Variants in CCDC28B observed in about 807,000 individuals in gnomAD.
CCDC28B encodes coiled-coil domain-containing protein 28B.
Under a neutral mutation model 18.7 loss-of-function variants are expected in CCDC28B, and 17 were observed. The ratio of observed to expected loss-of-function variants is 0.91; its 90% CI spans 0.62 to 1.36. The LOEUF is 1.36. Among genes scored for constraint, CCDC28B ranks in the 40% most tolerant of loss-of-function variants. The pLI is 0.00. For missense variants in CCDC28B, 213 were observed against 251.7 expected (o/e 0.85, Z 1.04); for synonymous variants, 116 against 105.1 (o/e 1.10, Z -0.64).
intron 2 of CCDC28B, 188 bp downstream of exon 2, chr1:32,202,287 G>T: frequency 1.3e-6 from 1 of 760,012 alleles, no homozygotes; most frequent in Non-Finnish European, 2.3e-6. Context: ...AAAAGGCCAG[G>T]TGGGTCACTG....
At chr1:32,202,451 G>A (rs546995253) in intron 2 of CCDC28B, 52 of 406,478 alleles carry the variant, frequency 1.3e-4, no homozygotes, top group South Asian at 9.6e-4. Context: ...GGGGGCCCTG[G>A]AGTATCAGGG....
chr1:32,201,626 T>A, intron 1 of CCDC28B: 1 of 246,972 alleles, frequency 4.0e-6, no homozygotes, highest in Non-Finnish European at 7.7e-6. Context: ...CCAGCCACCG[T>A]GACAGGAAGC....
upstream of CCDC28B, among the ~76,000 whole-genome samples, chr1:32,200,123 G>C (rs1643116065): frequency 6.6e-6 from 1 of 152,136 alleles, no homozygotes; most frequent in Non-Finnish European, 1.5e-5. Flanking sequence ...GTAGAGAGAG[G>C]GGTTTTGCCC....
intron 2 of CCDC28B, chr1:32,202,361 G>A: frequency 1.5e-6 from 1 of 649,110 alleles, no homozygotes; most frequent in Non-Finnish European, 2.8e-6. Context: ...GAAAGTGAAT[G>A]TTCCACGCTG....
chr1:32,205,269 C>T lies in CCDC28B; in HGVS notation c.*21C>T. On this transcript the variant is annotated 3_prime_UTR_variant, in exon 6 of 6. Coordinates refer to ENST00000373602, the MANE Select transcript of CCDC28B (RefSeq NM_024296.5). The surrounding 1 kb of genome is among the most constrained non-coding windows in gnomAD (Gnocchi z 5.6). ...CGTAGGCGTCCCACGCAGGCCCACACTGCCCCTCTCATTCTCTTCAAACTG... is the reference window on the plus strand; with the variant it reads ...CGTAGGCGTCCCACGCAGGCCCACATTGCCCCTCTCATTCTCTTCAAACTG... 6.2e-7 allele frequency: 1 copy of T among 1,600,280 alleles called. No homozygotes were observed. The highest frequency in any genetic ancestry group is 8.5e-7 in the Non-Finnish European group (1 of 1,171,464).
intron 1 of CCDC28B, 114 bp from the exon 2 acceptor site, chr1:32,201,799 T>C (rs376743266): frequency 2.4e-6 from 2 of 830,384 alleles, no homozygotes; most frequent in Non-Finnish European, 3.9e-6. Flanking sequence ...ACCGTATAGA[T>C]GAGGTGACAA....
chr1:32,198,162 C>T (rs754525966), upstream of CCDC28B: 7 of 152,410 alleles, frequency 4.6e-5, no homozygotes, highest in Middle Eastern at 3.4e-3. Flanking sequence ...TGGCCCAGCC[C>T]GGCCACTCAG....
upstream of CCDC28B, among the ~76,000 whole-genome samples, chr1:32,198,891 T>C (rs1301603682): frequency 6.6e-6 from 1 of 152,196 alleles, no homozygotes; most frequent in Non-Finnish European, 1.5e-5. Context: ...GCAAAAGGCA[T>C]GGAGCCAGGC....
At chr1:32,200,739 G>A (rs1643129298) in intron 1 of CCDC28B, 30 bp downstream of exon 1, 1 of 152,254 alleles carries the variant, frequency 6.6e-6, no homozygotes, top group Non-Finnish European at 1.5e-5. Context: ...AGTGAGGGCG[G>A]GGGCGGAATG....
chr1:32,197,326 G>A (rs1204918249), upstream of CCDC28B: 1 of 152,366 alleles, frequency 6.6e-6, no homozygotes, highest in Admixed American at 6.5e-5. The surrounding 1 kb of genome is among the most constrained non-coding windows in gnomAD (Gnocchi z 4.6). Context: ...TGGAGCTGCT[G>A]GATCCCAGTG....
chr1:32,202,759 A>C (rs1643173398), intron 2 of CCDC28B: 1 of 157,280 alleles, frequency 6.4e-6, no homozygotes, highest in Non-Finnish European at 1.4e-5. Context: ...AGAGCAGTGG[A>C]AATTTTAAGA....
chr1:32,196,935 C>A (rs1643038575), upstream of CCDC28B: 1 of 152,256 alleles, frequency 6.6e-6, no homozygotes, highest in Non-Finnish European at 1.5e-5. Context: ...TCAGAGTTGC[C>A]TGCTATTCTC....
intron 1 of CCDC28B, 74 bp from the exon 2 acceptor site, chr1:32,201,839 G>A: frequency 7.6e-7 from 1 of 1,307,450 alleles, no homozygotes; most frequent in South Asian, 1.4e-5. Context: ...CTTCCTTGGT[G>A]CAGCTCTCAG....
intron 2 of CCDC28B, chr1:32,202,341 A>C (rs769884873): frequency 1.5e-6 from 1 of 675,000 alleles, no homozygotes; most frequent in South Asian, 1.5e-5. Flanking sequence ...GGGAGTGAGC[A>C]ACTCTGCAAG....
chr1:32,202,431 C>T (rs1313907131), intron 2 of CCDC28B: 6 of 450,982 alleles, frequency 1.3e-5, no homozygotes, highest in African/African-American at 1.2e-4. Context: ...TCAGGAACCA[C>T]AGGTGGTTTG....
chr1:32,197,695 A>C (rs1394152237), upstream of CCDC28B: 1 of 152,266 alleles, frequency 6.6e-6, no homozygotes, highest in Non-Finnish European at 1.5e-5. The surrounding 1 kb of genome is among the most constrained non-coding windows in gnomAD (Gnocchi z 4.6). Context: ...CTTTTCCTCC[A>C]GGGGACCACA....
intron 1 of CCDC28B, chr1:32,201,579 T>C: frequency 5.0e-6 from 1 of 201,884 alleles, no homozygotes; most frequent in East Asian, 1.2e-4. Flanking sequence ...CACCTCCGTC[T>C]TGTCTCCCAC....
At chr1:32,196,214 G>A (rs951182882), upstream of CCDC28B, 1 of 153,570 alleles carries the variant, frequency 6.5e-6, no homozygotes, top group Non-Finnish European at 1.4e-5. Context: ...TTTGCCACAA[G>A]CTTACCTGTG....
rs145792550 is a variant in CCDC28B, at chr1:32,203,925, G to A, written c.211G>A (p.Gly71Ser). Residue 71 changes from glycine (G) to serine (S), a missense_variant, in exon 3 of 6, where the codon GGC becomes AGC. Physicochemically the swap from Gly to Ser is moderately conservative, Grantham distance 56. Coordinates refer to ENST00000373602, the MANE Select transcript of CCDC28B (RefSeq NM_024296.5). The part of the protein sequence containing the change: ...CRPVLAGGGS[G>S]SAGTPLQHSF... ...CCCAGTCCTGGCTGGAGGTGGAAGC[G>A]GCTCTGCAGGCACGCCCCTGCAGCA... 105 of 1,542,178 alleles carry A rather than the reference G, an allele frequency of 6.8e-5. No homozygotes were observed. The highest frequency in any genetic ancestry group is 6.9e-5 in the Non-Finnish European group (79 of 1,145,534).
Sources: allele counts gnomAD v4.1 joint callset (sites outside exome capture counted in the v4.1 genomes callset), GRCh38; gene constraint gnomAD v4.1.1; non-coding constraint Gnocchi (gnomAD v3.1); transcripts MANE v1.5; gene names NCBI Gene and HGNC (gene_info 2026-07-23, HGNC 2026-07-21).